Variants in NMT2 observed in about 807,000 individuals in gnomAD.
The protein encoded by NMT2 is glycylpeptide N-tetradecanoyltransferase 2.
Under a neutral mutation model 65.4 loss-of-function variants are expected in NMT2, and 35 were observed. The ratio of observed to expected loss-of-function variants is 0.54; its 90% CI spans 0.41 to 0.71. The LOEUF (loss-of-function observed/expected upper bound fraction) is 0.71. Among genes scored for constraint, NMT2 ranks in the 30% least tolerant of loss-of-function variants. NMT2 has a pLI of 0.00. For synonymous variants in NMT2, 226 were observed against 231.8 expected (o/e 0.98, Z 0.23); for missense variants, 489 against 611.3 (o/e 0.80, Z 2.11).
intron 8 of NMT2, among the ~76,000 whole-genome samples, chr10:15,126,704 T>A (rs571964168): frequency 6.6e-6 from 1 of 152,292 alleles, no homozygotes; most frequent in South Asian, 2.1e-4. Flanking sequence ...AAGTTTCAGA[T>A]GAGACCTCAG....
At chr10:15,143,984 T>C (rs1298115984) in intron 1 of NMT2, among the ~76,000 whole-genome samples, 1 of 152,210 alleles carries the variant, frequency 6.6e-6, no homozygotes, top group Non-Finnish European at 1.5e-5. Context: ...CAAAAAATCC[T>C]TAAGTAAGTT....
chr10:15,152,481 T>C (rs1017840949), intron 1 of NMT2, among the ~76,000 whole-genome samples: 1 of 152,216 alleles, frequency 6.6e-6, no homozygotes, highest in Admixed American at 6.5e-5. Flanking sequence ...AACGTATCTT[T>C]TCCCCTTTTC....
chr10:15,149,788 G>A (rs1027459724), intron 1 of NMT2, among the ~76,000 whole-genome samples: 1 of 151,882 alleles, frequency 6.6e-6, no homozygotes, highest in African/African-American at 2.4e-5. Context: ...GTAATTTGCT[G>A]AAGGTCACAT....
At chr10:15,119,611 G>A in intron 8 of NMT2, 98 bp from the exon 9 acceptor site, 2 of 961,374 alleles carry the variant, frequency 2.1e-6, no homozygotes, top group Non-Finnish European at 3.3e-6. Context: ...AGCAGAATGA[G>A]CAGCACGCGG....
chr10:15,154,494 A>G (rs1350787078), intron 1 of NMT2, among the ~76,000 whole-genome samples: 1 of 152,254 alleles, frequency 6.6e-6, no homozygotes, highest in Admixed American at 6.5e-5. Flanking sequence ...CTCCCAGGAG[A>G]TGCCTAAAAC....
intron 6 of NMT2, among the ~76,000 whole-genome samples, chr10:15,130,960 T>G (rs1380241307): frequency 1.3e-5 from 2 of 151,976 alleles, no homozygotes; most frequent in Non-Finnish European, 2.9e-5. Context: ...CAGCTCATTT[T>G]TGTATTTTTA....
At chr10:15,146,280 G>A (rs757847668) in intron 1 of NMT2, among the ~76,000 whole-genome samples, 1 of 152,168 alleles carries the variant, frequency 6.6e-6, no homozygotes, top group Non-Finnish European at 1.5e-5. Flanking sequence ...AAAATTTAAT[G>A]AGCACATCCA....
chr10:15,151,661 G>C (rs1416072091), intron 1 of NMT2, among the ~76,000 whole-genome samples: 2 of 152,242 alleles, frequency 1.3e-5, no homozygotes, highest in East Asian at 3.8e-4. Flanking sequence ...AACAGGGACA[G>C]ATCCGTGGCT....
At chr10:15,133,583 T>G (rs45473097) in intron 3 of NMT2, among the ~76,000 whole-genome samples, 30 of 152,026 alleles carry the variant, frequency 2.0e-4, no homozygotes, top group Admixed American at 2.6e-4. Context: ...TCACCAATTA[T>G]TTTTCTTTTC....
chr10:15,137,206 C>G (rs1589328132), intron 2 of NMT2, among the ~76,000 whole-genome samples: 1 of 152,112 alleles, frequency 6.6e-6, no homozygotes, highest in Non-Finnish European at 1.5e-5. Context: ...CAGCACAGAA[C>G]AGGGTTTGTT....
At chr10:15,164,099 C>T (rs558687670) in intron 1 of NMT2, among the ~76,000 whole-genome samples, 19 of 142,580 alleles carry the variant, frequency 1.3e-4, no homozygotes, top group African/African-American at 3.7e-4. Context: ...AAGAGAATGG[C>T]GTGAACCTGG....
Position 15,106,562 on chromosome 10 carries a change from T to C in NMT2, c.*2633A>G, listed in dbSNP as rs1391260155. Reference sequence around the variant, plus strand: ...TATCTCCAAGAGAGGTCCTATATTATGTACTACTGTGGGGCCCAGTCGCCC... The same window carrying C: ...TATCTCCAAGAGAGGTCCTATATTACGTACTACTGTGGGGCCCAGTCGCCC... On this transcript the variant is annotated 3_prime_UTR_variant, in exon 12 of 12. Coordinates refer to ENST00000378165, the MANE Select transcript of NMT2 (RefSeq NM_004808.3). 8.4e-6 allele frequency: 6 copies of C among 716,262 alleles called. No homozygotes were observed. 44.4% of individuals were successfully genotyped at this position (716,262 alleles called of 1,614,324 possible). A position where few individuals can be genotyped will look rare whatever the true frequency, so the allele number is the denominator to read the frequency against.
At chr10:15,165,163 CAA>C (rs34775170) in intron 1 of NMT2, among the ~76,000 whole-genome samples, 125 of 125,990 alleles carry the variant, frequency 9.9e-4, no homozygotes, top group Non-Finnish European at 1.6e-3. Flanking sequence ...AACTCCATCT[CAA>C]AAAAAAAAAA....
intron 2 of NMT2, among the ~76,000 whole-genome samples, chr10:15,138,097 G>A (rs982418539): frequency 6.9e-6 from 1 of 144,280 alleles, no homozygotes; most frequent in Admixed American, 7.2e-5. Context: ...TGTGACCTCC[G>A]CCTCCTGGGT....
chr10:15,109,621 G>GTC, intron 11 of NMT2, 81 bp downstream of exon 11: 1 of 1,076,106 alleles, frequency 9.3e-7, no homozygotes, highest in East Asian at 2.7e-5. Context: ...AAATAAAGCT[G>GTC]TCTTAAGTCT....
intron 1 of NMT2, among the ~76,000 whole-genome samples, chr10:15,160,208 T>A (rs1222215433): frequency 1.3e-5 from 2 of 152,188 alleles, no homozygotes; most frequent in Non-Finnish European, 2.9e-5. Context: ...TCCCTCCCCA[T>A]TAGCCACAAA....
chr10:15,113,701 GC>G (rs1845652768), intron 9 of NMT2, among the ~76,000 whole-genome samples: 1 of 152,104 alleles, frequency 6.6e-6, no homozygotes, highest in Admixed American at 6.6e-5. Context: ...ATTATATCAG[GC>G]CTAAGTAAGG....
rs936368224 is a variant in NMT2 at position 15,106,233 on chromosome 10, G to A, written c.*2962C>T. 1.1e-5 allele frequency: 2 copies of A among 182,592 alleles called. No individual in the cohort carries two copies. The highest frequency in any genetic ancestry group is 4.8e-5 in the African/African-American group (2 of 41,602). The allele number at this position is 182,592 out of a possible 1,614,324, so 11.3% of individuals were successfully genotyped here. ...GGTCTCAAGACTCCTGACCTCAAGTGATCTGCTCACCTTGGCCTCCCAAAG... is the reference window on the plus strand; with the variant it reads ...GGTCTCAAGACTCCTGACCTCAAGTAATCTGCTCACCTTGGCCTCCCAAAG... On this transcript the variant is annotated 3_prime_UTR_variant, in exon 12 of 12. Transcript: ENST00000378165.
intron 1 of NMT2, among the ~76,000 whole-genome samples, chr10:15,152,499 A>G (rs1832839629): frequency 6.6e-6 from 1 of 152,204 alleles, no homozygotes; most frequent in Admixed American, 6.5e-5. Flanking sequence ...TTCCTTAGGA[A>G]GTGACAGCAA....
Sources: allele counts gnomAD v4.1 joint callset (sites outside exome capture counted in the v4.1 genomes callset), GRCh38; gene constraint gnomAD v4.1.1; transcripts MANE v1.5; gene names NCBI Gene and HGNC (gene_info 2026-07-23, HGNC 2026-07-21).